The following CD58 variants were observed in gnomAD, a reference collection of about 807,000 sequenced individuals.
The protein encoded by CD58 is lymphocyte function-associated antigen 3.
Under a neutral mutation model 27.6 loss-of-function variants are expected in CD58, and 14 were observed. The ratio of observed to expected loss-of-function variants is 0.51; its 90% CI spans 0.34 to 0.79. CD58 has a LOEUF of 0.79. CD58 is among the 30% of genes least tolerant of loss of function. The pLI, the probability that CD58 is intolerant of heterozygous loss-of-function variation, is 0.02. For missense variants in CD58, 268 were observed against 301.7 expected (o/e 0.89, Z 0.83); for synonymous variants, 117 against 103.8 (o/e 1.13, Z -0.77).
At position 116,536,852 on chromosome 1, in the gene CD58, G is replaced by A. The variant is rs1274039604; in HGVS notation, c.365-624C>T. ...TCTGAAGCCAAAAGAGTCTTCGCAAGTTGGTAGCAAAATCGTTTAGCTGCA... is the reference window on the plus strand; with the variant it reads ...TCTGAAGCCAAAAGAGTCTTCGCAAATTGGTAGCAAAATCGTTTAGCTGCA... On this transcript the variant is annotated intron_variant, in intron 2 of 5. Coordinates refer to ENST00000369489, the MANE Select transcript of CD58 (RefSeq NM_001779.3). This position sits in a 1 kb window ranked among gnomAD's most constrained non-coding sequence, Gnocchi z 5.4. Among the ~76,000 whole-genome samples the A allele has an allele frequency of 6.6e-6, 1 of 152,348 alleles. No individual in the cohort carries two copies. Among genetic ancestry groups the A allele is most frequent in the Non-Finnish European group, 1.5e-5 (1 of 68,032 alleles).
Position 116,538,759 on chromosome 1 carries a change from T to C in CD58, c.365-2531A>G, listed in dbSNP as rs1487274535. On this transcript the variant is annotated intron_variant, in intron 2 of 5. Transcript: ENST00000369489. The surrounding 1 kb of genome is among the most constrained non-coding windows in gnomAD (Gnocchi z 4.7). Reference sequence around the variant, plus strand: ...ATCTTTGGAGGGCAAAGACTAGGTATGACTCACCTTTCAACCACAGCACAT... The same window carrying C: ...ATCTTTGGAGGGCAAAGACTAGGTACGACTCACCTTTCAACCACAGCACAT... 6.6e-6 allele frequency among the ~76,000 whole-genome samples: 1 copy of C among 152,178 alleles called. No homozygotes were observed. The highest frequency in any genetic ancestry group is 1.5e-5 in the Non-Finnish European group (1 of 68,028).
intron 2 of CD58, among the ~76,000 whole-genome samples, chr1:116,543,793 G>A (rs1360922859): frequency 9.2e-5 from 14 of 152,056 alleles, no homozygotes; most frequent in South Asian, 2.1e-4. Flanking sequence ...ATGGTGGTGC[G>A]GGCCTGTAGT....
rs1657604185 is a variant in CD58 at position 116,531,474 on chromosome 1, C to T, written c.628+4491G>A. Among the ~76,000 whole-genome samples the T allele has an allele frequency of 6.6e-6, 1 of 152,100 alleles. No individual in the cohort carries two copies. Among genetic ancestry groups the T allele is most frequent in the Non-Finnish European group, 1.5e-5 (1 of 68,012 alleles). Reference sequence around the variant, plus strand: ...ACACTGGTTTTATTTTTTGTTGTTCCCATTATAAAGCAACTATCTGCTTTT... The same window carrying T: ...ACACTGGTTTTATTTTTTGTTGTTCTCATTATAAAGCAACTATCTGCTTTT... On this transcript the variant is annotated intron_variant, in intron 3 of 5. Transcript: ENST00000369489. This position sits in a 1 kb window ranked among gnomAD's most constrained non-coding sequence, Gnocchi z 4.5.
rs2101152809 is a variant in CD58 at position 116,519,349 on chromosome 1, G to T, written c.707-82C>A. 1 of 1,287,582 alleles carries T rather than the reference G, an allele frequency of 7.8e-7. No individual in the cohort carries two copies. The highest frequency in any genetic ancestry group is 1.1e-6 in the Non-Finnish European group (1 of 904,942). The allele number at this position is 1,287,582 out of a possible 1,614,324, so 79.8% of individuals were successfully genotyped here. ...TGGAGTTACTGACTGCCTATTAGAG[G>T]CCTAAATATGGAAAACTAAGCCAGA... is the stretch of plus-strand genomic sequence containing the variant. On this transcript the variant is annotated intron_variant, in intron 4 of 5. Transcript: ENST00000369489. This position sits in a 1 kb window ranked among gnomAD's most constrained non-coding sequence, Gnocchi z 4.7.
At chr1:116,568,403 A>C (rs1659016011) in intron 1 of CD58, among the ~76,000 whole-genome samples, 1 of 152,232 alleles carries the variant, frequency 6.6e-6, no homozygotes, top group Non-Finnish European at 1.5e-5. Context: ...CTAATTTTGC[A>C]ACTGTCCTAA....
Position 116,516,323 on chromosome 1 carries a change from T to C in CD58, c.744-1501A>G, listed in dbSNP as rs985272126. On this transcript the variant is annotated intron_variant, in intron 5 of 5. Coordinates refer to ENST00000369489, the MANE Select transcript of CD58 (RefSeq NM_001779.3). The surrounding 1 kb of genome is among the most constrained non-coding windows in gnomAD (Gnocchi z 6.1). Reference sequence around the variant, plus strand: ...AGAACTTGAATAGTAAATAAAAATATACCAAGAAAAGTAAGCTCCTCTCTC... The same window carrying C: ...AGAACTTGAATAGTAAATAAAAATACACCAAGAAAAGTAAGCTCCTCTCTC... Among the ~76,000 whole-genome samples the C allele has an allele frequency of 6.6e-6, 1 of 152,154 alleles. No individual in the cohort carries two copies. The highest frequency in any genetic ancestry group is 2.4e-5 in the African/African-American group (1 of 41,442).
In CD58 at chr1:116,536,189, T is replaced by G. The variant is rs746356634; in HGVS notation, c.404A>C (p.Asn135Thr). The change falls in exon 3 of 6, where the codon AAT (asparagine) becomes ACT (threonine). Residue 135 changes from asparagine (N) to threonine (T), a missense_variant. Transcript: ENST00000369489. The surrounding 1 kb of genome is among the most constrained non-coding windows in gnomAD (Gnocchi z 5.4). ...CATGCATTGGACTTCAATGCTTCCA[T>G]TAGTCAATGCACAAGTTAGTGTGGG... ...PSPTLTCALT[N>T]GSIEVQCMIP... The G allele has an allele frequency of 4.3e-6, 7 of 1,612,650 alleles. No individual in the cohort carries two copies. The highest frequency in any genetic ancestry group is 5.9e-6 in the Non-Finnish European group (7 of 1,178,822).
At chr1:116,537,269 T>C (rs1030992603) in intron 2 of CD58, among the ~76,000 whole-genome samples, 9 of 152,174 alleles carry the variant, frequency 5.9e-5, no homozygotes, top group African/African-American at 2.2e-4. Context: ...TTTAAATATA[T>C]AGGAATGAAG....
At position 116,533,567 on chromosome 1, in the gene CD58, C is replaced by A. The variant is rs1022943577; in HGVS notation, c.628+2398G>T. ...GGTTCATCATATTCCTGGACTAATT[C>A]ACTTAGCATATCTACATTTCTAAAG... On this transcript the variant is annotated intron_variant, in intron 3 of 5. Transcript: ENST00000369489. The A allele has an allele frequency of 7.4e-5, 53 of 715,592 alleles. No homozygotes were observed. The Middle Eastern group carries it at 1.3e-3, about 17-fold the overall frequency. The allele number at this position is 715,592 out of a possible 1,614,324, so 44.3% of individuals were successfully genotyped here. A position where few individuals can be genotyped will look rare whatever the true frequency, so the allele number is the denominator to read the frequency against.
rs1205313259 is a variant in CD58, at chr1:116,541,985, A to G, written c.364+2326T>C. Among the ~76,000 whole-genome samples the G allele has an allele frequency of 6.6e-6, 1 of 152,202 alleles. No homozygotes were observed. The highest frequency in any genetic ancestry group is 1.5e-5 in the Non-Finnish European group (1 of 68,022). On this transcript the variant is annotated intron_variant, in intron 2 of 5. Transcript: ENST00000369489. This position sits in a 1 kb window ranked among gnomAD's most constrained non-coding sequence, Gnocchi z 5.3. ...TGAAAAGGAATAGTCAGTGTGTTAG[A>G]AAGAAATGTGAAGCCAGGCACAGTG...
intron 1 of CD58, among the ~76,000 whole-genome samples, chr1:116,561,251 CA>C (rs545912192): frequency 2.6e-5 from 4 of 151,970 alleles, no homozygotes; most frequent in Non-Finnish European, 5.9e-5. Flanking sequence ...AAAATTAAAA[CA>C]AAAAAACATA....
chr1:116,558,165 A>AG (rs1368696659), intron 1 of CD58, among the ~76,000 whole-genome samples: 79 of 152,124 alleles, frequency 5.2e-4, no homozygotes, highest in African/African-American at 1.7e-3. Context: ...AAAAAAAAAA[A>AG]AAAAGAAAGA....
chr1:116,538,121 G>C lies in CD58; in HGVS notation c.365-1893C>G, dbSNP rs1223337853. On this transcript the variant is annotated intron_variant, in intron 2 of 5. Coordinates refer to ENST00000369489, the MANE Select transcript of CD58 (RefSeq NM_001779.3). This position sits in a 1 kb window ranked among gnomAD's most constrained non-coding sequence, Gnocchi z 4.7. ...CACACTGACTTCCCTTTCTACTTGG[G>C]GCTTCCTAGTTTTTAAGTTTAATCT... Among the ~76,000 whole-genome samples, 2 of 151,992 alleles carry C rather than the reference G, an allele frequency of 1.3e-5. No individual in the cohort carries two copies. Among genetic ancestry groups the C allele is most frequent in the African/African-American group, 4.8e-5 (2 of 41,398 alleles).
In CD58 at chr1:116,546,546, A is replaced by G. The variant is rs978077720; in HGVS notation, c.71-1942T>C. On this transcript the variant is annotated intron_variant, in intron 1 of 5. Transcript: ENST00000369489. This position sits in a 1 kb window ranked among gnomAD's most constrained non-coding sequence, Gnocchi z 4.1. ...GAGTCTACCACACACAATAGTGGAA[A>G]CTCAAAAATGTCTTATAAATGTAAA... is the stretch of plus-strand genomic sequence containing the variant. Among the ~76,000 whole-genome samples the G allele has an allele frequency of 1.3e-5, 2 of 152,332 alleles. No individual in the cohort carries two copies. The highest frequency in any genetic ancestry group is 3.9e-4 in the East Asian group (2 of 5,188).
intron 4 of CD58, among the ~76,000 whole-genome samples, chr1:116,520,161 C>T (rs1657222161): frequency 6.6e-6 from 1 of 152,238 alleles, no homozygotes; most frequent in South Asian, 2.1e-4. Context: ...GGGTCTCACT[C>T]CATCACCCAG....
In CD58 at chr1:116,546,440, C is replaced by T. The variant is rs1056643751; in HGVS notation, c.71-1836G>A. Among the ~76,000 whole-genome samples the T allele has an allele frequency of 6.6e-6, 1 of 152,320 alleles. No individual in the cohort carries two copies. The highest frequency in any genetic ancestry group is 2.1e-4 in the South Asian group (1 of 4,830). ...AAAACACACCAGCATCTTTCCATTG[C>T]TTTGCCGATTATGCATTATTTCCTC... is the stretch of plus-strand genomic sequence containing the variant. On this transcript the variant is annotated intron_variant, in intron 1 of 5. Coordinates refer to ENST00000369489, the MANE Select transcript of CD58 (RefSeq NM_001779.3). The surrounding 1 kb of genome is among the most constrained non-coding windows in gnomAD (Gnocchi z 4.1).
In CD58 at chr1:116,563,190, T is replaced by A. The variant is rs1658813061; in HGVS notation, c.70+7713A>T. Among the ~76,000 whole-genome samples, 1 of 152,212 alleles carries A rather than the reference T, an allele frequency of 6.6e-6. No individual in the cohort carries two copies. The highest frequency in any genetic ancestry group is 2.4e-5 in the African/African-American group (1 of 41,450). On this transcript the variant is annotated intron_variant, in intron 1 of 5. Transcript: ENST00000369489. The surrounding 1 kb of genome is among the most constrained non-coding windows in gnomAD (Gnocchi z 4.1). ...AGTCTTAAACCTTAAAGTTCCAAAA[T>A]GATCTCCTTTGACTCCATGCCTCAC...
chr1:116,532,934 T>C lies in CD58; in HGVS notation c.628+3031A>G. Reference sequence around the variant, plus strand: ...GGTCTGCCAGGCGCCCACCTCCACTTCCTACTGCTGCTTGCATTCCGCCGG... The same window carrying C: ...GGTCTGCCAGGCGCCCACCTCCACTCCCTACTGCTGCTTGCATTCCGCCGG... On this transcript the variant is annotated intron_variant, in intron 3 of 5. Transcript: ENST00000369489. This position sits in a 1 kb window ranked among gnomAD's most constrained non-coding sequence, Gnocchi z 5.1. 1 of 1,075,006 alleles carries C rather than the reference T, an allele frequency of 9.3e-7. No individual in the cohort carries two copies. Among genetic ancestry groups the C allele is most frequent in the East Asian group, 2.8e-5 (1 of 35,962 alleles). The allele number at this position is 1,075,006 out of a possible 1,614,324, so 66.6% of individuals were successfully genotyped here.
At position 116,527,708 on chromosome 1, in the gene CD58, C is replaced by G. The variant is rs1029797931; in HGVS notation, c.629-5725G>C. Among the ~76,000 whole-genome samples the G allele has an allele frequency of 3.3e-5, 5 of 152,142 alleles. No individual in the cohort carries two copies. The highest frequency in any genetic ancestry group is 7.4e-5 in the Non-Finnish European group (5 of 68,018). On this transcript the variant is annotated intron_variant, in intron 3 of 5. Transcript: ENST00000369489. The surrounding 1 kb of genome is among the most constrained non-coding windows in gnomAD (Gnocchi z 4.4). ...CTCATAAAATGAATTGGAAAGTATG[C>G]CCTCTGCTTCTATCTTCTAAAAGAG...
Sources: gnomAD v4.1 joint callset for allele counts (sites outside exome capture counted in the v4.1 genomes callset) on GRCh38, gnomAD v4.1.1 for gene constraint, Gnocchi (gnomAD v3.1) non-coding constraint, MANE v1.5 for transcripts, NCBI Gene and HGNC (gene_info 2026-07-23, HGNC 2026-07-21) for gene names.